Variants in SEMA6D observed in about 807,000 individuals in gnomAD.
SEMA6D encodes semaphorin-6D.
In SEMA6D, 35 loss-of-function variants were observed where a neutral mutation model predicts 106.6. The ratio of observed to expected loss-of-function variants is 0.33; its 90% CI spans 0.25 to 0.44. SEMA6D has a LOEUF of 0.44. Ranked by LOEUF, SEMA6D falls within the 20% of genes least tolerant of loss-of-function variation. The probability of loss-of-function intolerance (pLI) is 1.00; values close to 1 mark genes in which losing one functional copy is unlikely to be tolerated. For synonymous variants in SEMA6D, 499 were observed against 487.7 expected, an observed-to-expected ratio of 1.02 and a Z score of -0.31; for missense variants, 1,185 against 1,345.9, an observed-to-expected ratio of 0.88 and a Z score of 1.87.
At chr15:47,758,298 G>A (rs1724525978) in intron 1 of SEMA6D, among the ~76,000 whole-genome samples, 1 of 152,178 alleles carries the variant, frequency 6.6e-6, no homozygotes, top group Non-Finnish European at 1.5e-5. Flanking sequence ...AAAAGGTACA[G>A]TAAACACCTG....
chr15:47,738,177 T>C (rs1283048300), intron 1 of SEMA6D, among the ~76,000 whole-genome samples: 3 of 151,900 alleles, frequency 2.0e-5, no homozygotes, highest in East Asian at 1.9e-4. Flanking sequence ...TAGGCCCTGG[T>C]GTGTGTTGTT....
At chr15:47,325,163 TTTTTTTG>T (rs769267384) in intron 1 of SEMA6D, among the ~76,000 whole-genome samples, 2 of 151,938 alleles carry the variant, frequency 1.3e-5, no homozygotes, top group South Asian at 2.1e-4. Flanking sequence ...TGAAGCGTTT[TTTTTTTG>T]TTTTTTGTTT....
chr15:47,673,551 C>T (rs1413930297), intron 4 of SEMA6D, among the ~76,000 whole-genome samples: 1 of 152,176 alleles, frequency 6.6e-6, no homozygotes, highest in African/African-American at 2.4e-5. Context: ...TGTCACATTC[C>T]ATCCAGGGAT....
chr15:47,418,107 T>G (rs1356324351), intron 2 of SEMA6D, among the ~76,000 whole-genome samples: 1 of 152,056 alleles, frequency 6.6e-6, no homozygotes, highest in Admixed American at 6.6e-5. Context: ...GAACTTTACA[T>G]GGAGTGGCCT....
intron 3 of SEMA6D, among the ~76,000 whole-genome samples, chr15:47,520,619 T>A (rs2044542869): frequency 6.6e-6 from 1 of 152,220 alleles, no homozygotes; most frequent in African/African-American, 2.4e-5. Context: ...TTCAGAAACT[T>A]CTGGAAGCTG....
chr15:47,236,190 G>A (rs2032526928), intron 1 of SEMA6D, among the ~76,000 whole-genome samples: 1 of 152,022 alleles, frequency 6.6e-6, no homozygotes, highest in Admixed American at 6.6e-5. Flanking sequence ...TATTTTCAGG[G>A]AGAATCATGT....
At chr15:47,284,612 A>G (rs943172462) in intron 1 of SEMA6D, among the ~76,000 whole-genome samples, 2 of 152,226 alleles carry the variant, frequency 1.3e-5, no homozygotes, top group Non-Finnish European at 1.5e-5. Context: ...TACAAAAACT[A>G]TGTCCTAGTG....
chr15:47,764,398 C>T (rs2082225209), intron 11 of SEMA6D, 93 bp downstream of exon 11: 1 of 1,457,508 alleles, frequency 6.9e-7, no homozygotes, highest in Non-Finnish European at 9.2e-7. Context: ...GCCAACCTCC[C>T]ACACCAGGAA....
At chr15:47,495,947 G>A (rs189251545) in intron 3 of SEMA6D, among the ~76,000 whole-genome samples, 53 of 152,084 alleles carry the variant, frequency 3.5e-4, no homozygotes, top group African/African-American at 1.2e-3. Context: ...CACATTTAAT[G>A]AGGTTGTTAA....
At chr15:47,487,495 T>C (rs981025194) in intron 3 of SEMA6D, among the ~76,000 whole-genome samples, 1 of 152,238 alleles carries the variant, frequency 6.6e-6, no homozygotes, top group Non-Finnish European at 1.5e-5. Context: ...TGTGTATGCA[T>C]ATGCATATCT....
chr15:47,533,582 G>C (rs562504021), intron 3 of SEMA6D, among the ~76,000 whole-genome samples: 21 of 152,288 alleles, frequency 1.4e-4, no homozygotes, highest in African/African-American at 4.8e-4. Context: ...ACAGTGGAGT[G>C]ACAGTTCACT....
intron 3 of SEMA6D, among the ~76,000 whole-genome samples, chr15:47,515,174 C>T (rs780326921): frequency 2.1e-4 from 32 of 151,990 alleles, no homozygotes; most frequent in Non-Finnish European, 3.7e-4. Context: ...ATATCACTAA[C>T]TCCCTCACCT....
At position 47,660,240 on chromosome 15, in the gene SEMA6D, G is replaced by T. The variant is rs541366400; in HGVS notation, c.-55+59344G>T. ...AATAGGTAAAGTCACTTTGTATGTG[G>T]TCATACTTCTTGGAAGGGACCGTAA... On this transcript the variant is annotated intron_variant, in intron 4 of 19. Transcript: ENST00000558014. Among the ~76,000 whole-genome samples, 380 of 152,038 alleles carry T rather than the reference G, an allele frequency of 2.5e-3. 1 individual carries two copies. The highest frequency in any genetic ancestry group is 3.4e-3 in the Middle Eastern group (1 of 294).
At chr15:47,321,862 C>G (rs2036937743) in intron 1 of SEMA6D, among the ~76,000 whole-genome samples, 3 of 152,128 alleles carry the variant, frequency 2.0e-5, no homozygotes, top group Admixed American at 1.3e-4. Flanking sequence ...TCCTACTCTG[C>G]TACTCCCCAG....
At chr15:47,380,348 C>T (rs922503873) in intron 1 of SEMA6D, 4 of 152,180 alleles carry the variant, frequency 2.6e-5, no homozygotes, top group African/African-American at 9.7e-5. Flanking sequence ...TTTCCAGGTT[C>T]AGTCCCTTGG....
intron 4 of SEMA6D, among the ~76,000 whole-genome samples, chr15:47,616,190 A>G (rs1278232775): frequency 6.6e-6 from 1 of 150,590 alleles, no homozygotes; most frequent in Non-Finnish European, 1.5e-5. Context: ...TTTTTGAGAT[A>G]GAGTCTCTCT....
intron 2 of SEMA6D, among the ~76,000 whole-genome samples, chr15:47,433,854 A>G (rs536757615): frequency 6.6e-6 from 1 of 152,262 alleles, no homozygotes; most frequent in East Asian, 1.9e-4. Flanking sequence ...TAAGATGTGG[A>G]AGAGATTAAG....
chr15:47,497,225 C>T (rs2043695950), intron 3 of SEMA6D, among the ~76,000 whole-genome samples: 1 of 152,042 alleles, frequency 6.6e-6, no homozygotes, highest in African/African-American at 2.4e-5. Context: ...CTGCTTCTGC[C>T]AGCCTCTTCC....
chr15:47,483,130 G>A (rs145045906), intron 3 of SEMA6D, among the ~76,000 whole-genome samples: 367 of 152,210 alleles, frequency 2.4e-3, no homozygotes, highest in African/African-American at 8.6e-3. Flanking sequence ...GAATTTGGGG[G>A]CATGGAGGGA....
Sources: gnomAD v4.1 joint callset for allele counts (sites outside exome capture counted in the v4.1 genomes callset) on GRCh38, gnomAD v4.1.1 for gene constraint, MANE v1.5 for transcripts, NCBI Gene and HGNC (gene_info 2026-07-23, HGNC 2026-07-21) for gene names.